The following ROBO2 variants were observed in gnomAD, a reference collection of about 807,000 sequenced individuals.
ROBO2 encodes roundabout guidance receptor 2.
Under a neutral mutation model 160.8 loss-of-function variants are expected in ROBO2, and 53 were observed. That is an observed-to-expected ratio of 0.33 (90% CI 0.26 to 0.41). ROBO2 has a LOEUF of 0.41. ROBO2 is among the 10% of genes least tolerant of loss of function. The probability of loss-of-function intolerance (pLI) is 1.00; values close to 1 mark genes in which losing one functional copy is unlikely to be tolerated. For missense variants in ROBO2, 1,577 were observed against 1,722.4 expected, an observed-to-expected ratio of 0.92 and a Z score of 1.49; for synonymous variants, 664 against 611.7, an observed-to-expected ratio of 1.09 and a Z score of -1.26.
At chr3:76,438,134 T>C (rs80003016) in intron 2 of ROBO2, among the ~76,000 whole-genome samples, 1 of 152,150 alleles carries the variant, frequency 6.6e-6, no homozygotes, top group Admixed American at 6.6e-5. Context: ...ACAGGCAATA[T>C]TCATTCTTGA....
At chr3:76,620,445 G>C (rs2088975997) in intron 2 of ROBO2, among the ~76,000 whole-genome samples, 1 of 152,148 alleles carries the variant, frequency 6.6e-6, no homozygotes, top group Non-Finnish European at 1.5e-5. Context: ...GTTCGAGGAT[G>C]TAACTTTCAT....
intron 2 of ROBO2, among the ~76,000 whole-genome samples, chr3:76,021,913 ATT>A (rs370709030): frequency 6.4e-5 from 9 of 140,272 alleles, no homozygotes; most frequent in Non-Finnish European, 6.3e-5. Context: ...TTCGTGAAAG[ATT>A]TTTTTTTTTT....
intron 2 of ROBO2, among the ~76,000 whole-genome samples, chr3:77,447,999 G>A (rs965174677): frequency 1.3e-5 from 2 of 152,104 alleles, no homozygotes; most frequent in South Asian, 4.1e-4. Context: ...GGTAGGCAGA[G>A]CATTTATAAA....
At chr3:76,000,993 T>C (rs1277608157) in intron 2 of ROBO2, among the ~76,000 whole-genome samples, 1 of 152,208 alleles carries the variant, frequency 6.6e-6, no homozygotes, top group African/African-American at 2.4e-5. Context: ...ACTCTATTTT[T>C]ACTTCTTTAT....
In ROBO2 at chr3:76,632,359, G is replaced by A. The variant is rs556240288; in HGVS notation, c.110-465655G>A. ...CTGTCACACACCCTTGCTTGCTTCT[G>A]TGCATTAGCCTGTTTAAGTACATCA... On this transcript the variant is annotated intron_variant, in intron 2 of 26. Coordinates refer to the ROBO2 transcript ENST00000487694. 5.3e-5 allele frequency among the ~76,000 whole-genome samples: 8 copies of A among 152,268 alleles called. No homozygotes were observed. The South Asian group carries it at 1.7e-3, about 32-fold the overall frequency.
rs146878174 is a variant in ROBO2 at position 76,332,217 on chromosome 3, G to C, written c.109+394615G>C. On this transcript the variant is annotated intron_variant, in intron 2 of 26. Transcript: ENST00000487694. ...TCCTTTGTCCTGTATCAAAAGTTAT[G>C]GGAAGAGGGATCATGGTTTCAGTTA... Among the ~76,000 whole-genome samples the C allele has an allele frequency of 5.4e-3, 819 of 152,232 alleles. 10 individuals carry two copies. Among genetic ancestry groups the C allele is most frequent in the African/African-American group, 0.017 (725 of 41,546 alleles).
intron 2 of ROBO2, among the ~76,000 whole-genome samples, chr3:76,100,386 CTT>C (rs1413911695): frequency 6.6e-6 from 1 of 152,196 alleles, no homozygotes; most frequent in Non-Finnish European, 1.5e-5. Context: ...GAAAACTGCT[CTT>C]TGTCTGCTCT....
intron 6 of ROBO2, among the ~76,000 whole-genome samples, chr3:77,541,217 C>T (rs2092447607): frequency 6.6e-6 from 1 of 152,154 alleles, no homozygotes; most frequent in East Asian, 1.9e-4. Flanking sequence ...CATGCTAATG[C>T]CTGCCATAGG....
At chr3:75,975,336 A>C (rs1305496029) in intron 2 of ROBO2, among the ~76,000 whole-genome samples, 1 of 151,450 alleles carries the variant, frequency 6.6e-6, no homozygotes, top group African/African-American at 2.4e-5. Context: ...TTTATATAAA[A>C]ATGAATAATT....
At chr3:77,101,929 A>C (rs1451304563) in intron 2 of ROBO2, among the ~76,000 whole-genome samples, 1 of 152,140 alleles carries the variant, frequency 6.6e-6, no homozygotes, top group Non-Finnish European at 1.5e-5. Flanking sequence ...AATCCCAACT[A>C]CTCAGGAGGC....
intron 2 of ROBO2, among the ~76,000 whole-genome samples, chr3:76,548,000 T>C (rs550601335): frequency 2.0e-5 from 3 of 152,292 alleles, no homozygotes; most frequent in Non-Finnish European, 4.4e-5. Context: ...AGTCACATGA[T>C]AAAGATCAGT....
At chr3:76,219,645 T>G (rs560329215) in intron 2 of ROBO2, among the ~76,000 whole-genome samples, 4 of 152,258 alleles carry the variant, frequency 2.6e-5, no homozygotes, top group South Asian at 2.1e-4. Flanking sequence ...TCACACCAGT[T>G]AGAATGGCAA....
intron 2 of ROBO2, among the ~76,000 whole-genome samples, chr3:76,034,087 G>A (rs1013517182): frequency 1.3e-5 from 2 of 152,188 alleles, no homozygotes; most frequent in Non-Finnish European, 2.9e-5. Context: ...CCTTAGAAAA[G>A]GGGCATAGGC....
intron 2 of ROBO2, among the ~76,000 whole-genome samples, chr3:76,554,099 C>A (rs2083568475): frequency 6.6e-6 from 1 of 152,108 alleles, no homozygotes; most frequent in South Asian, 2.1e-4. Context: ...CCCTAGATAT[C>A]CACACAGAGA....
intron 2 of ROBO2, among the ~76,000 whole-genome samples, chr3:77,191,524 C>T (rs1437199800): frequency 2.0e-5 from 3 of 152,134 alleles, no homozygotes; most frequent in Non-Finnish European, 2.9e-5. Context: ...TGGCATTTAC[C>T]ATTTCGCCCT....
chr3:76,040,227 AT>A (rs1445631191), intron 2 of ROBO2, among the ~76,000 whole-genome samples: 3 of 151,850 alleles, frequency 2.0e-5, no homozygotes, highest in Non-Finnish European at 4.4e-5. Flanking sequence ...ATTTTTAAAT[AT>A]TTTTAAATTT....
chr3:76,120,789 G>C (rs76492044), intron 2 of ROBO2, among the ~76,000 whole-genome samples: 6 of 151,996 alleles, frequency 3.9e-5, no homozygotes, highest in Non-Finnish European at 8.8e-5. Context: ...AAATTATCTT[G>C]TTCATATGAA....
intron 2 of ROBO2, among the ~76,000 whole-genome samples, chr3:76,361,583 T>A (rs2075523414): frequency 6.6e-6 from 1 of 152,010 alleles, no homozygotes; most frequent in African/African-American, 2.4e-5. Context: ...ACAACAAAAA[T>A]TAATAATTAC....
intron 2 of ROBO2, among the ~76,000 whole-genome samples, chr3:77,441,670 C>T (rs763563643): frequency 6.6e-6 from 1 of 152,096 alleles, no homozygotes; most frequent in Non-Finnish European, 1.5e-5. Flanking sequence ...AAAATGATCA[C>T]ACAGAGTAAC....
Sources: allele counts gnomAD v4.1 joint callset (sites outside exome capture counted in the v4.1 genomes callset), GRCh38; gene constraint gnomAD v4.1.1; transcripts MANE v1.5; gene names NCBI Gene and HGNC (gene_info 2026-07-23, HGNC 2026-07-21).